TSC1: variants seen among roughly 807,000 people sequenced by gnomAD.
TSC1 encodes TSC complex subunit 1, also known as hamartin.
A neutral mutation model predicts 124.3 loss-of-function variants in TSC1; 20 were observed. That is an observed-to-expected ratio of 0.16 (90% confidence interval 0.11 to 0.23). TSC1 has a LOEUF of 0.23. Ranked by LOEUF, TSC1 falls within the 10% of genes least tolerant of loss-of-function variation. The probability of loss-of-function intolerance (pLI) is 1.00; values close to 1 mark genes in which losing one functional copy is unlikely to be tolerated. For missense variants in TSC1, 1,124 were observed against 1,448.5 expected (o/e 0.78, Z 3.64); for synonymous variants, 493 against 539.1 (o/e 0.91, Z 1.19).
At chr9:132,917,971 T>C (rs989236291) in intron 8 of TSC1, among the ~76,000 whole-genome samples, 1 of 152,204 alleles carries the variant, frequency 6.6e-6, no homozygotes, top group Non-Finnish European at 1.5e-5. Flanking sequence ...TTAATGTTGG[T>C]GTCTGTCTTT....
chr9:132,898,364 A>G (rs1283907050), intron 20 of TSC1, among the ~76,000 whole-genome samples: 1 of 152,262 alleles, frequency 6.6e-6, no homozygotes, highest in Non-Finnish European at 1.5e-5. Flanking sequence ...CCTGTGTTAC[A>G]TTTGTGTGTG....
rs1272445341 is a variant in TSC1 at position 132,921,030 on chromosome 9, T to C, written c.737+333A>G. On this transcript the variant is annotated intron_variant, in intron 8 of 22. Transcript: ENST00000298552. The surrounding 1 kb of genome is among the most constrained non-coding windows in gnomAD (Gnocchi z 4.3). ...TTTTGCAAAGCCAGATTTATATATA[T>C]GCTAAATTGTTTTTCTGCAGTCCCC... Among the ~76,000 whole-genome samples, 3 of 151,926 alleles carry C rather than the reference T, an allele frequency of 2.0e-5. No individual in the cohort carries two copies. Among genetic ancestry groups the C allele is most frequent in the Non-Finnish European group, 4.4e-5 (3 of 67,968 alleles).
Position 132,923,722 on chromosome 9 carries a change from C to G in TSC1, c.364-230G>C. On this transcript the variant is annotated intron_variant, in intron 5 of 22. Coordinates refer to ENST00000298552, the MANE Select transcript of TSC1 (RefSeq NM_000368.5). The surrounding 1 kb of genome is among the most constrained non-coding windows in gnomAD (Gnocchi z 4.2). ...ATGAGTCAGTGAGGACCATTTACAA[C>G]ACACCTATGCAAAGGCATCCGGGAG... is the stretch of plus-strand genomic sequence containing the variant. The G allele has an allele frequency of 1.7e-6, 1 of 582,136 alleles. No homozygotes were observed. Among genetic ancestry groups the G allele is most frequent in the South Asian group, 2.0e-5 (1 of 50,382 alleles). 36.1% of individuals were successfully genotyped at this position (582,136 alleles called of 1,614,324 possible). A position where few individuals can be genotyped will look rare whatever the true frequency, so the allele number is the denominator to read the frequency against.
intron 12 of TSC1, among the ~76,000 whole-genome samples, chr9:132,907,679 G>A (rs992607127): frequency 3.9e-5 from 6 of 152,116 alleles, no homozygotes; most frequent in African/African-American, 9.7e-5. Context: ...TAGTACAGAC[G>A]GGGTTTCTCC....
Position 132,935,034 on chromosome 9 carries a change from T to G in TSC1, c.-82A>C, listed in dbSNP as rs925472453. 2.5e-6 allele frequency: 1 copy of G among 399,128 alleles called. No individual in the cohort carries two copies. The highest frequency in any genetic ancestry group is 4.4e-6 in the Non-Finnish European group (1 of 226,084). 24.7% of individuals were successfully genotyped at this position (399,128 alleles called of 1,614,324 possible). On this transcript the variant is annotated splice_region_variant and 5_prime_UTR_variant, in exon 2 of 23. Transcript: ENST00000298552. ...ACCACTGGCCTGGTTATAGCTTACC[T>G]GTTCTAGCGACAACTGGTACTTCAG...
intron 1 of TSC1, among the ~76,000 whole-genome samples, chr9:132,939,556 A>T (rs1015773233): frequency 6.6e-6 from 1 of 152,240 alleles, no homozygotes; most frequent in African/African-American, 2.4e-5. Flanking sequence ...GCCAGAGCTT[A>T]ATTTTGGTAA....
chr9:132,911,187 AGTGTTC>A, intron 10 of TSC1, 74 bp from the exon 11 acceptor site: 3 of 1,228,918 alleles, frequency 2.4e-6, no homozygotes, highest in Non-Finnish European at 3.6e-6. Context: ...ATCCATGGCC[AGTGTTC>A]AGCTTAAATT....
chr9:132,918,570 G>A (rs1846381792), intron 8 of TSC1, among the ~76,000 whole-genome samples: 1 of 152,164 alleles, frequency 6.6e-6, no homozygotes, highest in African/African-American at 2.4e-5. Flanking sequence ...TTGAGGGCAT[G>A]AGTGCCATTC....
chr9:132,921,333 T>G lies in TSC1; in HGVS notation c.737+30A>C. Reference sequence around the variant, plus strand: ...TCACATTTTCAATCTCTCGAAAGATTCTTTAAAATTTTGACACTAGTTTCT... The same window carrying G: ...TCACATTTTCAATCTCTCGAAAGATGCTTTAAAATTTTGACACTAGTTTCT... On this transcript the variant is annotated intron_variant, in intron 8 of 22. Coordinates refer to ENST00000298552, the MANE Select transcript of TSC1 (RefSeq NM_000368.5). The surrounding 1 kb of genome is among the most constrained non-coding windows in gnomAD (Gnocchi z 4.3). 1 of 1,608,570 alleles carries G rather than the reference T, an allele frequency of 6.2e-7. No individual in the cohort carries two copies. Among genetic ancestry groups the G allele is most frequent in the Non-Finnish European group, 8.5e-7 (1 of 1,175,066 alleles).
chr9:132,907,302 T>C lies in TSC1; in HGVS notation c.1332A>G (p.Ser444=), dbSNP rs773003016. The C allele has an allele frequency of 4.1e-5, 66 of 1,613,408 alleles. No homozygotes were observed. The highest frequency in any genetic ancestry group is 5.0e-5 in the Non-Finnish European group (59 of 1,179,402). The part of the protein sequence containing the change: ...RQHHLLNDRG[S]EEPPGSKGSV... ...CCTGTAGTAACGCAGAAATTTTACC[T>C]GATCCTCTGTCATTCAGAAGATGGT... Residue 444 remains serine, a splice_region_variant and synonymous_variant, in exon 13 of 23, where the codon TCA becomes TCG. Coordinates refer to ENST00000298552, the MANE Select transcript of TSC1 (RefSeq NM_000368.5).
chr9:132,919,632 T>C lies in TSC1; in HGVS notation c.737+1731A>G, dbSNP rs183141389. On this transcript the variant is annotated intron_variant, in intron 8 of 22. Coordinates refer to ENST00000298552, the MANE Select transcript of TSC1 (RefSeq NM_000368.5). ...CCTTCCTCAAAAAGCTCCTAGAGGC[T>C]ATGTCCTATTAAACAAGAGTAAACC... Among the ~76,000 whole-genome samples, 235 of 152,298 alleles carry C rather than the reference T, an allele frequency of 1.5e-3. 1 individual carries two copies. Among genetic ancestry groups the C allele is most frequent in the African/African-American group, 5.5e-3 (227 of 41,552 alleles).
chr9:132,919,957 C>A (rs1564496140), intron 8 of TSC1, among the ~76,000 whole-genome samples: 1 of 152,230 alleles, frequency 6.6e-6, no homozygotes, highest in Admixed American at 6.5e-5. Flanking sequence ...AGAGGACATT[C>A]ATTTTATCCC....
intron 1 of TSC1, chr9:132,941,199 CT>C (rs1191601504): frequency 6.6e-6 from 1 of 152,198 alleles, no homozygotes; most frequent in African/African-American, 2.4e-5. Context: ...GTATTGTTAT[CT>C]TTTGCTGATT....
In TSC1 at chr9:132,921,696, G is replaced by C. The variant is rs921116321; in HGVS notation, c.663+123C>G. On this transcript the variant is annotated intron_variant, in intron 7 of 22. Transcript: ENST00000298552. This position sits in a 1 kb window ranked among gnomAD's most constrained non-coding sequence, Gnocchi z 4.3. ...TTAGTGGCTGCCTAGGGATTGGAGT[G>C]GCGAGGAAGAAAACTGAATTTCTTT... is the stretch of plus-strand genomic sequence containing the variant. The C allele has an allele frequency of 7.6e-7, 1 of 1,319,486 alleles. No individual in the cohort carries two copies. Among genetic ancestry groups the C allele is most frequent in the African/African-American group, 1.4e-5 (1 of 68,988 alleles). The allele number at this position is 1,319,486 out of a possible 1,614,324, so 81.7% of individuals were successfully genotyped here.
chr9:132,902,065 G>A lies in TSC1; in HGVS notation c.2392-366C>T, dbSNP rs1845408766. ...ACTAACTGGCTGGAAATGATGCTGT[G>A]TCTGTGGATGACGTCTTTGTGAAGC... is the stretch of plus-strand genomic sequence containing the variant. On this transcript the variant is annotated intron_variant, in intron 18 of 22. Coordinates refer to ENST00000298552, the MANE Select transcript of TSC1 (RefSeq NM_000368.5). The surrounding 1 kb of genome is among the most constrained non-coding windows in gnomAD (Gnocchi z 5.2). 1.2e-5 allele frequency: 3 copies of A among 256,060 alleles called. No individual in the cohort carries two copies. Among genetic ancestry groups the A allele is most frequent in the African/African-American group, 6.8e-5 (3 of 44,154 alleles). 15.9% of individuals were successfully genotyped at this position (256,060 alleles called of 1,614,324 possible).
chr9:132,906,717 C>T lies in TSC1; in HGVS notation c.1438+14G>A, dbSNP rs1845690175. ...TCAGGTTTTATCAACTCATAGCAAT[C>T]CCACATACATTACCTTCTTCTTTAT... On this transcript the variant is annotated intron_variant, in intron 14 of 22. Transcript: ENST00000298552. The surrounding 1 kb of genome is among the most constrained non-coding windows in gnomAD (Gnocchi z 4.1). The T allele has an allele frequency of 6.2e-7, 1 of 1,605,122 alleles. No individual in the cohort carries two copies. The highest frequency in any genetic ancestry group is 8.5e-7 in the Non-Finnish European group (1 of 1,173,020).
At position 132,893,276 on chromosome 9, in the gene TSC1, T is replaced by A. The variant is rs2131545593; in HGVS notation, c.*2959A>T. The A allele has an allele frequency of 4.3e-6, 1 of 233,336 alleles. No individual in the cohort carries two copies. Among genetic ancestry groups the A allele is most frequent in the South Asian group, 1.8e-4 (1 of 5,530 alleles). 14.5% of individuals were successfully genotyped at this position (233,336 alleles called of 1,614,324 possible). A position where few individuals can be genotyped will look rare whatever the true frequency, so the allele number is the denominator to read the frequency against. Reference sequence around the variant, plus strand: ...AGTAATGCTGGTCCTAAAACTCATCTCCAAGGACATCTTTCACAACTTCTC... The same window carrying A: ...AGTAATGCTGGTCCTAAAACTCATCACCAAGGACATCTTTCACAACTTCTC... On this transcript the variant is annotated 3_prime_UTR_variant, in exon 23 of 23. Transcript: ENST00000298552.
rs760470520 is a variant in TSC1, at chr9:132,907,307, C to T, written c.1327G>A (p.Gly443Arg). The change falls in exon 13 of 23, where the codon GGA (glycine) becomes AGA (arginine). Residue 443 changes from glycine (G) to arginine (R), a missense_variant. By Grantham distance (125) the Gly-to-Arg change is moderately radical. Coordinates refer to ENST00000298552, the MANE Select transcript of TSC1 (RefSeq NM_000368.5). ...HRQHHLLNDRGSEEPPGSKGS... is the reference protein window; with the variant it reads ...HRQHHLLNDRRSEEPPGSKGS... ...AGTAACGCAGAAATTTTACCTGATCCTCTGTCATTCAGAAGATGGTGTTGT... is the reference window on the plus strand; with the variant it reads ...AGTAACGCAGAAATTTTACCTGATCTTCTGTCATTCAGAAGATGGTGTTGT... 1.2e-6 allele frequency: 2 copies of T among 1,613,716 alleles called. No homozygotes were observed. The highest frequency in any genetic ancestry group is 1.7e-6 in the Non-Finnish European group (2 of 1,179,614).
At chr9:132,940,152 G>A (rs756014589) in intron 1 of TSC1, among the ~76,000 whole-genome samples, 4 of 151,788 alleles carry the variant, frequency 2.6e-5, no homozygotes, top group Non-Finnish European at 4.4e-5. Context: ...ACATACCTGG[G>A]TACACTACAG....
Sources: allele counts gnomAD v4.1 joint callset (sites outside exome capture counted in the v4.1 genomes callset), GRCh38; gene constraint gnomAD v4.1.1; non-coding constraint Gnocchi (gnomAD v3.1); transcripts MANE v1.5; gene names NCBI Gene and HGNC (gene_info 2026-07-23, HGNC 2026-07-21).